The following EIF3D variants were observed in gnomAD, a reference collection of about 807,000 sequenced individuals.
The protein encoded by EIF3D is eukaryotic translation initiation factor 3 subunit D, also known as eIF3 p66.
Under a neutral mutation model 75.4 loss-of-function variants are expected in EIF3D, and 10 were observed. The observed-to-expected ratio is 0.13, with a 90% CI of 0.08 to 0.22. The LOEUF is 0.22. EIF3D is among the 10% of genes least tolerant of loss of function. The probability of loss-of-function intolerance (pLI) is 1.00; values close to 1 mark genes in which losing one functional copy is unlikely to be tolerated. For synonymous variants in EIF3D, 246 were observed against 248.3 expected, an observed-to-expected ratio of 0.99 and a Z score of 0.09; for missense variants, 394 against 708.0, an observed-to-expected ratio of 0.56 and a Z score of 5.03.
intron 14 of EIF3D, 86 bp downstream of exon 14, chr22:36,511,417 A>T (rs1934333271): frequency 2.6e-6 from 4 of 1,555,810 alleles, no homozygotes; most frequent in Non-Finnish European, 3.5e-6. Context: ...AGTTTTATCA[A>T]GGTTAAAGAT....
intron 12 of EIF3D, among the ~76,000 whole-genome samples, chr22:36,515,308 C>T (rs1934405231): frequency 6.6e-6 from 1 of 152,204 alleles, no homozygotes; most frequent in Non-Finnish European, 1.5e-5. Context: ...GCAGGCAGAT[C>T]ACCTGAGGCC....
chr22:36,514,098 T>A (rs1934385658), intron 12 of EIF3D, among the ~76,000 whole-genome samples: 1 of 151,866 alleles, frequency 6.6e-6, no homozygotes, highest in Non-Finnish European at 1.5e-5. Flanking sequence ...AACAGAATAA[T>A]GTAAAAAAGA....
chr22:36,527,995 GA>G (rs1047178062), intron 1 of EIF3D, among the ~76,000 whole-genome samples: 9 of 152,186 alleles, frequency 5.9e-5, no homozygotes, highest in African/African-American at 1.9e-4. Flanking sequence ...ACTATAGGAA[GA>G]GGACAGAAGA....
chr22:36,512,778 G>A (rs535381382), intron 12 of EIF3D, 176 bp from the exon 13 acceptor site: 9 of 677,208 alleles, frequency 1.3e-5, no homozygotes, highest in East Asian at 2.9e-5. Flanking sequence ...ACAGCCTGCC[G>A]CACAGCAGTC....
Position 36,523,927 on chromosome 22 carries a change from C to T in EIF3D, c.360G>A (p.Gln120=). ...TCTGTTTGGCACTCTTAGGCAGGAT[C>T]TGCAGGTTGAACTGCAACATGTTCC... The part of the protein sequence containing the change: ...DRRNMLQFNL[Q]ILPKSAKQKE... Residue 120 remains glutamine (Q), a synonymous_variant, in exon 5 of 15, where the codon CAG becomes CAA. Transcript: ENST00000216190. 6.2e-7 allele frequency: 1 copy of T among 1,614,190 alleles called. No individual in the cohort carries two copies. The highest frequency in any genetic ancestry group is 8.5e-7 in the Non-Finnish European group (1 of 1,180,034).
rs1456336124 is a variant in EIF3D, at chr22:36,514,287, G to C, written c.1207-1685C>G. ...GAGAAATCATTTTCAAAGAGTTCATGGTTGAGGCCTGGGATGGGCAGAATT... is the reference window on the plus strand; with the variant it reads ...GAGAAATCATTTTCAAAGAGTTCATCGTTGAGGCCTGGGATGGGCAGAATT... On this transcript the variant is annotated intron_variant, in intron 12 of 14. Transcript: ENST00000216190. Among the ~76,000 whole-genome samples the C allele has an allele frequency of 3.9e-5, 6 of 152,284 alleles. No homozygotes were observed. In the East Asian group the frequency reaches 1.2e-3, roughly 29 times the overall value.
At chr22:36,516,193 A>G in intron 12 of EIF3D, 1 of 304,214 alleles carries the variant, frequency 3.3e-6, no homozygotes, top group Non-Finnish European at 6.1e-6. Context: ...ACAATGGAAC[A>G]GAGATGAAGA....
intron 8 of EIF3D, 108 bp from the exon 9 acceptor site, chr22:36,519,018 G>T (rs1235323731): frequency 7.7e-6 from 11 of 1,433,796 alleles, no homozygotes; most frequent in Non-Finnish European, 9.3e-6. Flanking sequence ...TCCTTAATAA[G>T]GAGGCCCCAC....
intron 1 of EIF3D, among the ~76,000 whole-genome samples, chr22:36,527,667 A>T (rs1022622248): frequency 6.6e-6 from 1 of 152,104 alleles, no homozygotes; most frequent in Admixed American, 6.5e-5. Flanking sequence ...GGTGAAACCC[A>T]GTCTCTACTA....
chr22:36,525,433 G>A (rs1392993883), intron 3 of EIF3D, among the ~76,000 whole-genome samples: 1 of 151,904 alleles, frequency 6.6e-6, no homozygotes, highest in African/African-American at 2.4e-5. Context: ...GTTTTTAAAA[G>A]GGCCCAAAAC....
intron 5 of EIF3D, among the ~76,000 whole-genome samples, 156 bp from the exon 6 acceptor site, chr22:36,523,437 G>A (rs1395552871): frequency 2.0e-5 from 3 of 152,180 alleles, no homozygotes; most frequent in African/African-American, 7.2e-5. Flanking sequence ...GACCCAGACG[G>A]TGCATACTGG....
intron 12 of EIF3D, chr22:36,512,990 C>T (rs1278977468): frequency 6.1e-6 from 1 of 164,334 alleles, no homozygotes; most frequent in East Asian, 1.8e-4. Context: ...AATATTGGCT[C>T]AAGTGCAGGT....
intron 8 of EIF3D, 82 bp downstream of exon 8, chr22:36,519,323 T>C: frequency 6.3e-7 from 1 of 1,575,976 alleles, no homozygotes; most frequent in Non-Finnish European, 8.7e-7. Context: ...TATTCCCATG[T>C]CTTCTGTTCT....
At chr22:36,524,798 A>C in intron 3 of EIF3D, 66 bp from the exon 4 acceptor site, 1 of 1,604,242 alleles carries the variant, frequency 6.2e-7, no homozygotes, top group Non-Finnish European at 8.5e-7. Flanking sequence ...GCACCAGTCT[A>C]AAGCCTTGCT....
intron 9 of EIF3D, 166 bp from the exon 10 acceptor site, chr22:36,517,597 G>A: frequency 4.7e-6 from 3 of 632,406 alleles, no homozygotes; most frequent in Non-Finnish European, 7.5e-6. Context: ...GCGGGGGAGT[G>A]GGGCAGCTGC....
At chr22:36,517,628 T>C (rs1934448805) in intron 9 of EIF3D, 197 bp from the exon 10 acceptor site, 2 of 500,078 alleles carry the variant, frequency 4.0e-6, no homozygotes, top group South Asian at 3.0e-5. Context: ...CTCAAGATAC[T>C]GTCCAACATT....
At chr22:36,515,966 T>C (rs1386343877) in intron 12 of EIF3D, 1 of 152,438 alleles carries the variant, frequency 6.6e-6, no homozygotes, top group East Asian at 1.9e-4. Context: ...TCTTTCAAGG[T>C]GCCTCTGAAG....
intron 10 of EIF3D, chr22:36,517,060 T>A: frequency 3.2e-6 from 2 of 617,126 alleles, no homozygotes; most frequent in South Asian, 4.1e-5. Context: ...TAAATCAATT[T>A]ATTATTTATT....
chr22:36,520,433 T>G (rs1934494809), intron 7 of EIF3D, 143 bp downstream of exon 7: 1 of 536,980 alleles, frequency 1.9e-6, no homozygotes, highest in East Asian at 3.6e-5. Context: ...TTTTTTCAAA[T>G]ACCTCTGTTA....
Sources: gnomAD v4.1 joint callset for allele counts (sites outside exome capture counted in the v4.1 genomes callset) on GRCh38, gnomAD v4.1.1 for gene constraint, MANE v1.5 for transcripts, NCBI Gene and HGNC (gene_info 2026-07-23, HGNC 2026-07-21) for gene names.